The following FAM117B variants were observed in gnomAD, a reference collection of about 807,000 sequenced individuals.
The protein encoded by FAM117B is protein FAM117B.
A neutral mutation model predicts 52.8 loss-of-function variants in FAM117B; 22 were observed. The observed-to-expected ratio is 0.42, with a 90% CI of 0.30 to 0.59. The LOEUF is 0.59. Among genes scored for constraint, FAM117B ranks in the 20% least tolerant of loss-of-function variants. The pLI, the probability that FAM117B is intolerant of heterozygous loss-of-function variation, is 0.22. For missense variants in FAM117B, 678 were observed against 802.6 expected (o/e 0.84, Z 1.88); for synonymous variants, 309 against 324.1 (o/e 0.95, Z 0.50).
At chr2:202,660,302 T>C (rs867064959) in intron 1 of FAM117B, among the ~76,000 whole-genome samples, 3 of 152,028 alleles carry the variant, frequency 2.0e-5, no homozygotes, top group South Asian at 4.1e-4. Flanking sequence ...CCTGGAAATG[T>C]TGAGTTTTTT....
chr2:202,635,618 C>CGCCGCT lies in FAM117B; in HGVS notation c.434_439dup (p.Pro145_Leu146dup), dbSNP rs1462887202. 13 of 1,291,810 alleles carry CGCCGCT rather than the reference C, an allele frequency of 1.0e-5. No homozygotes were observed. The African/African-American group carries it at 2.0e-4, about 20-fold the overall frequency. 80.0% of individuals were successfully genotyped at this position (1,291,810 alleles called of 1,614,324 possible). The stretch of plus-strand genomic sequence containing the variant: ...AGCCCCCCACGGCCGCCGCCGCCGC[C>CGCCGCT]GCCGCTGCTGGGCACCGTGTCGTCG... On this transcript the variant is annotated inframe_insertion, in exon 1 of 8. Transcript: ENST00000392238.
At chr2:202,697,563 T>C (rs545345517) in intron 2 of FAM117B, among the ~76,000 whole-genome samples, 157 of 151,294 alleles carry the variant, frequency 1.0e-3, no homozygotes, top group Middle Eastern at 6.8e-3. Context: ...TTTTTTTTTT[T>C]CCCCTGAGAT....
intron 1 of FAM117B, among the ~76,000 whole-genome samples, chr2:202,659,853 T>G (rs1011523340): frequency 6.6e-6 from 1 of 151,716 alleles, no homozygotes; most frequent in African/African-American, 2.4e-5. Context: ...ACTCCTGACC[T>G]CGTGATCCAC....
chr2:202,741,896 T>C (rs188247502), intron 4 of FAM117B, among the ~76,000 whole-genome samples: 1 of 152,280 alleles, frequency 6.6e-6, no homozygotes, highest in East Asian at 1.9e-4. Flanking sequence ...ACCATTTATA[T>C]ATACAAACAG....
intron 4 of FAM117B, among the ~76,000 whole-genome samples, chr2:202,727,729 G>C (rs1691268681): frequency 6.6e-6 from 1 of 152,088 alleles, no homozygotes; most frequent in Non-Finnish European, 1.5e-5. Context: ...TCCTGTCCTG[G>C]AACCAGTCTT....
chr2:202,744,198 T>C (rs1691594406), intron 4 of FAM117B, among the ~76,000 whole-genome samples: 1 of 152,182 alleles, frequency 6.6e-6, no homozygotes, highest in East Asian at 1.9e-4. Context: ...CCAAGGCTGG[T>C]TTATTTATAA....
At chr2:202,734,956 A>G (rs1691416602) in intron 4 of FAM117B, among the ~76,000 whole-genome samples, 1 of 152,240 alleles carries the variant, frequency 6.6e-6, no homozygotes, top group South Asian at 2.1e-4. Flanking sequence ...AAATTTCCAA[A>G]AGAGAGCTGT....
intron 2 of FAM117B, among the ~76,000 whole-genome samples, chr2:202,722,396 C>G (rs2105786132): frequency 6.6e-6 from 1 of 152,226 alleles, no homozygotes; most frequent in African/African-American, 2.4e-5. Flanking sequence ...TGCTTATTCA[C>G]AATAGCAACG....
At chr2:202,756,781 C>G (rs996844951) in intron 5 of FAM117B, among the ~76,000 whole-genome samples, 4 of 152,102 alleles carry the variant, frequency 2.6e-5, no homozygotes, top group African/African-American at 4.8e-5. Context: ...AACCTTTCCC[C>G]CATTTAGGAA....
rs1485602385 is a variant in FAM117B at position 202,648,050 on chromosome 2, C to T, written c.601+12262C>T. On this transcript the variant is annotated intron_variant, in intron 1 of 7. Transcript: ENST00000392238. The stretch of plus-strand genomic sequence containing the variant: ...TCTCTTTCCTCTCCTCTCTCCCCTA[C>T]TCCATTCTTTCTTTGCAGGCAATAA... Among the ~76,000 whole-genome samples the T allele has an allele frequency of 2.0e-5, 3 of 152,258 alleles. No homozygotes were observed. The East Asian group carries it at 5.8e-4, about 29-fold the overall frequency.
chr2:202,653,864 T>G (rs529161818), intron 1 of FAM117B, among the ~76,000 whole-genome samples: 2 of 152,168 alleles, frequency 1.3e-5, no homozygotes, highest in Non-Finnish European at 2.9e-5. Flanking sequence ...AATGAAATGG[T>G]CTTCCAGGTT....
At chr2:202,635,937 C>T (rs183717098) in intron 1 of FAM117B, 149 bp downstream of exon 1, 2 of 962,072 alleles carry the variant, frequency 2.1e-6, no homozygotes, top group Admixed American at 4.5e-5. Context: ...GTGGGGGACC[C>T]GGCAGTGCGG....
At chr2:202,661,397 A>G (rs780855793) in intron 1 of FAM117B, among the ~76,000 whole-genome samples, 1 of 152,236 alleles carries the variant, frequency 6.6e-6, no homozygotes, top group Non-Finnish European at 1.5e-5. Flanking sequence ...TAAAACTGTT[A>G]ACTGTTACTG....
intron 2 of FAM117B, among the ~76,000 whole-genome samples, chr2:202,715,842 G>A (rs1026944789): frequency 6.6e-5 from 10 of 152,108 alleles, no homozygotes; most frequent in African/African-American, 2.4e-4. Flanking sequence ...CACCTCGGGA[G>A]GCCGAGGCTG....
chr2:202,640,061 G>T (rs1051622532), intron 1 of FAM117B, among the ~76,000 whole-genome samples: 2 of 151,820 alleles, frequency 1.3e-5, no homozygotes, highest in African/African-American at 4.8e-5. Flanking sequence ...CCTGAGGTCA[G>T]GAGTTCGAGA....
At chr2:202,700,114 G>GA (rs1300239179) in intron 2 of FAM117B, among the ~76,000 whole-genome samples, 4 of 152,118 alleles carry the variant, frequency 2.6e-5, no homozygotes, top group Non-Finnish European at 4.4e-5. Flanking sequence ...CAACAGTATT[G>GA]AAATTAGACA....
At chr2:202,648,154 C>T (rs1390881957) in intron 1 of FAM117B, among the ~76,000 whole-genome samples, 1 of 152,140 alleles carries the variant, frequency 6.6e-6, no homozygotes, top group Non-Finnish European at 1.5e-5. Flanking sequence ...GTTCATTCTT[C>T]TCAAGAGAAA....
At chr2:202,648,218 T>A (rs1689898942) in intron 1 of FAM117B, among the ~76,000 whole-genome samples, 1 of 152,144 alleles carries the variant, frequency 6.6e-6, no homozygotes, top group Admixed American at 6.6e-5. Flanking sequence ...TTCAGATATA[T>A]GCATATGTCA....
chr2:202,669,013 A>G (rs1690251791), intron 1 of FAM117B, among the ~76,000 whole-genome samples: 2 of 152,150 alleles, frequency 1.3e-5, no homozygotes, highest in Admixed American at 6.5e-5. Flanking sequence ...TTGAAAGAAC[A>G]CCAAAATAAG....
Sources: allele counts gnomAD v4.1 joint callset (sites outside exome capture counted in the v4.1 genomes callset), GRCh38; gene constraint gnomAD v4.1.1; transcripts MANE v1.5; gene names NCBI Gene and HGNC (gene_info 2026-07-23, HGNC 2026-07-21).